AFF2: variants seen among roughly 807,000 people sequenced by gnomAD.
The protein encoded by AFF2 is ALF transcription elongation factor 2, also known as AF4/FMR2 family member 2.
AFF2 carries 14 observed loss-of-function variants against 76.9 expected under a neutral mutation model. The ratio of observed to expected loss-of-function variants is 0.18; its 90% CI spans 0.12 to 0.28. The LOEUF is 0.28. Among genes scored for constraint, AFF2 ranks in the 10% least tolerant of loss-of-function variants. The pLI is 1.00. For missense variants in AFF2, 868 were observed against 1,001.1 expected, an observed-to-expected ratio of 0.87 and a Z score of 1.79; for synonymous variants, 398 against 366.7, an observed-to-expected ratio of 1.09 and a Z score of -0.98.
intron 7 of AFF2, among the ~76,000 whole-genome samples, chrX:148,847,654 G>C (rs1469357909): frequency 2.7e-5 from 3 of 111,770 alleles, no homozygotes; most frequent in Non-Finnish European, 5.6e-5. Context: ...GTTGAGGCCA[G>C]CCTGAGTTTA....
chrX:148,890,107 A>G (rs782704887), intron 8 of AFF2, among the ~76,000 whole-genome samples: 199 of 112,097 alleles, frequency 1.8e-3, no homozygotes, highest in Non-Finnish European at 3.0e-3. Context: ...GGCAAACTTG[A>G]ATGAAAATGT....
intron 3 of AFF2, among the ~76,000 whole-genome samples, chrX:148,707,113 A>T (rs2054894570): frequency 8.9e-6 from 1 of 112,147 alleles, no homozygotes; most frequent in South Asian, 3.7e-4. Flanking sequence ...TCATAACAAT[A>T]GCTCTGATTT....
chrX:148,773,722 G>GAAAGAAAGAA (rs1569555326), intron 3 of AFF2, among the ~76,000 whole-genome samples: 2 of 104,723 alleles, frequency 1.9e-5, no homozygotes, highest in Non-Finnish European at 3.9e-5. Flanking sequence ...AAGAAAGAAA[G>GAAAGAAAGAA]AAAGAAAGAA....
chrX:148,957,813 A>G (rs1249918245), intron 11 of AFF2, among the ~76,000 whole-genome samples: 1 of 112,622 alleles, frequency 8.9e-6, no homozygotes, highest in African/African-American at 3.2e-5. Flanking sequence ...TGACAACAGT[A>G]CAACCACAGC....
chrX:148,886,078 C>A, intron 8 of AFF2, 93 bp downstream of exon 8: 1 of 657,839 alleles, frequency 1.5e-6, no homozygotes, highest in Non-Finnish European at 2.5e-6. Context: ...CAAACTTCCC[C>A]ATGCTTTATC....
chrX:148,548,921 T>G (rs1415044230), intron 1 of AFF2, among the ~76,000 whole-genome samples: 2 of 112,641 alleles, frequency 1.8e-5, no homozygotes, highest in Non-Finnish European at 3.7e-5. Flanking sequence ...CTTTAATCAT[T>G]TTTAAAGTAT....
intron 3 of AFF2, among the ~76,000 whole-genome samples, chrX:148,789,288 A>T (rs782689765): frequency 8.9e-6 from 1 of 111,980 alleles, no homozygotes; most frequent in East Asian, 2.8e-4. Flanking sequence ...CAGTAAAAGG[A>T]TGACAGGATT....
At chrX:148,606,224 G>A (rs1353887849) in intron 1 of AFF2, among the ~76,000 whole-genome samples, 1 of 111,696 alleles carries the variant, frequency 9.0e-6, no homozygotes, top group Non-Finnish European at 1.9e-5. Context: ...AGAAAGATGA[G>A]GAATTAATTG....
intron 1 of AFF2, among the ~76,000 whole-genome samples, chrX:148,634,445 A>C (rs1408574497): frequency 1.8e-5 from 2 of 111,870 alleles, no homozygotes; most frequent in Non-Finnish European, 3.8e-5. Flanking sequence ...TCGAGCATCT[A>C]GTTATTTGAG....
At chrX:148,693,662 T>A (rs1603278561) in intron 3 of AFF2, among the ~76,000 whole-genome samples, 1 of 111,861 alleles carries the variant, frequency 8.9e-6, no homozygotes, top group South Asian at 3.8e-4. Context: ...CCTCCTGGAC[T>A]AAGCCACATA....
At chrX:148,765,361 T>C (rs944091111) in intron 3 of AFF2, among the ~76,000 whole-genome samples, 1 of 112,080 alleles carries the variant, frequency 8.9e-6, no homozygotes, top group African/African-American at 3.2e-5. Context: ...TTCCATTAAA[T>C]TCATTCTGTC....
At chrX:148,908,350 G>T (rs1408377044) in intron 9 of AFF2, among the ~76,000 whole-genome samples, 1 of 112,211 alleles carries the variant, frequency 8.9e-6, no homozygotes, top group Non-Finnish European at 1.9e-5. Flanking sequence ...TTCAGAGATT[G>T]CAGTAAAGAC....
chrX:148,690,161 C>T (rs1484547354), intron 3 of AFF2, among the ~76,000 whole-genome samples: 1 of 112,037 alleles, frequency 8.9e-6, no homozygotes, highest in African/African-American at 3.2e-5. Context: ...TGTCTAGAAT[C>T]ATAGATCTTA....
At chrX:148,684,626 A>G (rs782417216) in intron 3 of AFF2, among the ~76,000 whole-genome samples, 1 of 112,266 alleles carries the variant, frequency 8.9e-6, no homozygotes, top group Non-Finnish European at 1.9e-5. Context: ...GAACAAATAT[A>G]TACCTGGCCC....
chrX:148,905,905 T>C lies in AFF2; in HGVS notation c.1397+1647T>C, dbSNP rs149495489. On this transcript the variant is annotated intron_variant, in intron 9 of 20. Transcript: ENST00000370460. ...ATTAATTCACAGTGCACACTCTATC[T>C]AATGTCTAGCGTTTTGAGGAATGTT... Among the ~76,000 whole-genome samples the C allele has an allele frequency of 8.4e-3, 943 of 112,749 alleles. 11 individuals carry two copies. The highest frequency in any genetic ancestry group is 0.023 in the Middle Eastern group (5 of 218).
At chrX:148,845,460 ACT>A (rs1190939403) in intron 7 of AFF2, among the ~76,000 whole-genome samples, 1 of 112,137 alleles carries the variant, frequency 8.9e-6, no homozygotes, top group Non-Finnish European at 1.9e-5. Context: ...ACTAGAAGAC[ACT>A]GAGTCCATTT....
chrX:148,882,964 C>T (rs1426016673), intron 7 of AFF2, among the ~76,000 whole-genome samples: 1 of 111,871 alleles, frequency 8.9e-6, no homozygotes, highest in East Asian at 2.8e-4. Flanking sequence ...CAGCCAAATC[C>T]ATACCAAGCT....
chrX:148,735,743 T>C (rs1398944853), intron 3 of AFF2, among the ~76,000 whole-genome samples: 2 of 111,034 alleles, frequency 1.8e-5, no homozygotes, highest in African/African-American at 3.3e-5. Flanking sequence ...TGCACCCTAT[T>C]TGTAGTCTTT....
intron 3 of AFF2, among the ~76,000 whole-genome samples, chrX:148,784,810 G>A (rs2069793298): frequency 9.0e-6 from 1 of 111,412 alleles, no homozygotes; most frequent in Admixed American, 9.5e-5. Flanking sequence ...AATTGTTAAT[G>A]CAGTTAGGTA....
Sources: allele counts gnomAD v4.1 joint callset (sites outside exome capture counted in the v4.1 genomes callset), GRCh38; gene constraint gnomAD v4.1.1; transcripts MANE v1.5; gene names NCBI Gene and HGNC (gene_info 2026-07-23, HGNC 2026-07-21).